The following ZDHHC11B variants were observed in gnomAD, a reference collection of about 807,000 sequenced individuals.
The protein encoded by ZDHHC11B is probable palmitoyltransferase ZDHHC11B.
A neutral mutation model predicts 42.3 loss-of-function variants in ZDHHC11B; 17 were observed. That is an observed-to-expected ratio of 0.40 (90% CI 0.27 to 0.60). The LOEUF (loss-of-function observed/expected upper bound fraction) is 0.60, where lower values mean the gene tolerates loss of function less well. ZDHHC11B is among the 20% of genes least tolerant of loss of function. The pLI is 0.41. For missense variants in ZDHHC11B, 262 were observed against 463.2 expected, an observed-to-expected ratio of 0.57 and a Z score of 3.99; for synonymous variants, 123 against 193.5, an observed-to-expected ratio of 0.64 and a Z score of 3.02.
At chr5:716,657 G>T (rs1450814925) in intron 13 of ZDHHC11B, 144 bp downstream of exon 13, 2 of 981,020 alleles carry the variant, frequency 2.0e-6, no homozygotes, top group East Asian at 5.1e-5. Flanking sequence ...TCCTGTTCTG[G>T]GGTTACTGTT....
intron 6 of ZDHHC11B, among the ~76,000 whole-genome samples, chr5:754,322 C>CACCTCTCGCCTGTGAGCCTCCACCAT (rs1561163520): frequency 3.1e-5 from 1 of 32,482 alleles, no homozygotes; most frequent in Non-Finnish European, 5.8e-5. Context: ...GCCTCCACCA[C>CACCTCTCGCCTGTGAGCCTCCACCAT]GCTCAGGGGA....
At chr5:742,637 G>A (rs1194215257) in intron 9 of ZDHHC11B, among the ~76,000 whole-genome samples, 2 of 149,874 alleles carry the variant, frequency 1.3e-5, no homozygotes, top group Non-Finnish European at 3.0e-5. Flanking sequence ...ATAGTTTTTA[G>A]ACATAACACT....
chr5:722,371 G>A (rs28698669), intron 12 of ZDHHC11B, among the ~76,000 whole-genome samples: 73,946 of 149,054 alleles, frequency 0.5, 14,571 homozygotes, highest in African/African-American at 0.55. Flanking sequence ...AGCACAAAGA[G>A]TCCAGTGGAA....
chr5:712,282 C>T lies in ZDHHC11B; in HGVS notation c.*8G>A, dbSNP rs1741430848. On this transcript the variant is annotated splice_region_variant and 3_prime_UTR_variant, in exon 14 of 14. Coordinates refer to ENST00000508859, the MANE Select transcript of ZDHHC11B (RefSeq NM_001351303.2). ...CCTGGATCACAGGGGCACCTGAGCTCCTGCAGGACAAAACAAAGTCACTCT... is the reference window on the plus strand; with the variant it reads ...CCTGGATCACAGGGGCACCTGAGCTTCTGCAGGACAAAACAAAGTCACTCT... The T allele has an allele frequency of 8.6e-6, 1 of 115,972 alleles. No homozygotes were observed. Among genetic ancestry groups the T allele is most frequent in the Admixed American group, 9.1e-5 (1 of 10,996 alleles). 7.2% of individuals were successfully genotyped at this position (115,972 alleles called of 1,614,324 possible).
At chr5:777,551 G>GC (rs1319356934) in intron 1 of ZDHHC11B, among the ~76,000 whole-genome samples, 2 of 151,898 alleles carry the variant, frequency 1.3e-5, no homozygotes, top group Middle Eastern at 3.2e-3. Context: ...GAGTCAGGTT[G>GC]CGGCAGGGCG....
At chr5:763,138 G>A (rs1718915814) in intron 4 of ZDHHC11B, among the ~76,000 whole-genome samples, 2 of 151,872 alleles carry the variant, frequency 1.3e-5, no homozygotes, top group South Asian at 4.2e-4. Context: ...GGGAGACCGA[G>A]GTGGGTGGAT....
At chr5:778,016 G>A (rs1409426968) in intron 1 of ZDHHC11B, among the ~76,000 whole-genome samples, 3 of 152,056 alleles carry the variant, frequency 2.0e-5, no homozygotes, top group Non-Finnish European at 4.4e-5. Context: ...GCGCAGGCGG[G>A]CTGGCAGTGC....
chr5:753,041 C>G (rs1254316095), intron 6 of ZDHHC11B, among the ~76,000 whole-genome samples: 3 of 126,884 alleles, frequency 2.4e-5, no homozygotes, highest in African/African-American at 7.5e-5. Context: ...GCACAGCCTC[C>G]TGCCCCTGCT....
intron 10 of ZDHHC11B, among the ~76,000 whole-genome samples, chr5:739,396 T>TCAAA (rs70955296): frequency 0.21 from 30,610 of 147,590 alleles, 2,482 homozygotes; most frequent in Middle Eastern, 0.31. Context: ...AGACTCTGTC[T>TCAAA]CAAACAAACA....
At chr5:716,418 A>T (rs188919221) in intron 13 of ZDHHC11B, among the ~76,000 whole-genome samples, 2 of 151,948 alleles carry the variant, frequency 1.3e-5, no homozygotes, top group East Asian at 3.9e-4. Flanking sequence ...AGGGATAGGT[A>T]GGATCAGAGG....
intron 6 of ZDHHC11B, among the ~76,000 whole-genome samples, chr5:752,600 T>C (rs531048503): frequency 2.3e-4 from 22 of 94,730 alleles, no homozygotes; most frequent in African/African-American, 6.1e-4. Context: ...AGAGCATGAA[T>C]GCCGCAGTCG....
chr5:778,879 A>G (rs1294078060), intron 1 of ZDHHC11B, among the ~76,000 whole-genome samples: 2 of 151,858 alleles, frequency 1.3e-5, no homozygotes, highest in African/African-American at 4.8e-5. Context: ...TGGCATTAAC[A>G]GAGCCTTTGG....
At chr5:724,603 C>G (rs1281549870) in intron 12 of ZDHHC11B, among the ~76,000 whole-genome samples, 1 of 141,924 alleles carries the variant, frequency 7.0e-6, no homozygotes, top group African/African-American at 2.7e-5. Context: ...GTCTTGATCT[C>G]CTGTCCTCTT....
intron 4 of ZDHHC11B, among the ~76,000 whole-genome samples, chr5:762,499 C>A (rs1285271505): frequency 6.6e-6 from 1 of 151,766 alleles, no homozygotes; most frequent in Non-Finnish European, 1.5e-5. Flanking sequence ...GCCTGACCTC[C>A]CAAGGGAACT....
rs1487296213 is a variant in ZDHHC11B, at chr5:730,420, A to C, written c.1058+14T>G. ...CAGACAGATAAAACGTTCCCATTAA[A>C]CTTACGAACTTACCCAAGTGTAGAT... On this transcript the variant is annotated intron_variant, in intron 12 of 13. Transcript: ENST00000508859. 2 of 1,576,866 alleles carry C rather than the reference A, an allele frequency of 1.3e-6. No homozygotes were observed. The highest frequency in any genetic ancestry group is 4.0e-5 in the Admixed American group (2 of 50,616).
intron 1 of ZDHHC11B, among the ~76,000 whole-genome samples, chr5:778,916 G>A (rs1205319368): frequency 1.3e-5 from 2 of 151,848 alleles, no homozygotes; most frequent in African/African-American, 2.4e-5. Flanking sequence ...ATGGGGGCCA[G>A]GCTCCTGGGA....
At chr5:763,425 A>C (rs1466220120) in intron 4 of ZDHHC11B, among the ~76,000 whole-genome samples, 6 of 151,786 alleles carry the variant, frequency 4.0e-5, no homozygotes, top group East Asian at 1.9e-4. Context: ...TGAAAATAGA[A>C]ACAAGAAAAC....
At chr5:756,338 C>CTA (rs1395893883) in intron 4 of ZDHHC11B, among the ~76,000 whole-genome samples, 194 bp from the exon 5 acceptor site, 2 of 151,674 alleles carry the variant, frequency 1.3e-5, no homozygotes, top group African/African-American at 4.8e-5. Flanking sequence ...ACACATGGCC[C>CTA]TATACACTTG....
At chr5:756,474 CG>C (rs1490738445) in intron 4 of ZDHHC11B, among the ~76,000 whole-genome samples, 31 of 151,890 alleles carry the variant, frequency 2.0e-4, no homozygotes, top group African/African-American at 7.5e-4. Flanking sequence ...CTGTGCCAGT[CG>C]GGGACCGGGA....
Sources: allele counts gnomAD v4.1 joint callset (sites outside exome capture counted in the v4.1 genomes callset), GRCh38; gene constraint gnomAD v4.1.1; transcripts MANE v1.5; gene names NCBI Gene and HGNC (gene_info 2026-07-23, HGNC 2026-07-21).